The following NUP153 variants were observed in gnomAD, a reference collection of about 807,000 sequenced individuals.
NUP153 encodes nuclear pore complex protein Nup153.
A neutral mutation model predicts 134.6 loss-of-function variants in NUP153; 27 were observed. The observed-to-expected ratio is 0.20, with a 90% confidence interval of 0.15 to 0.28. The LOEUF (loss-of-function observed/expected upper bound fraction) is 0.28, where lower values mean the gene tolerates loss of function less well. Ranked by LOEUF, NUP153 falls within the 10% of genes least tolerant of loss-of-function variation. The pLI is 1.00. For synonymous variants in NUP153, 640 were observed against 623.5 expected (o/e 1.03, Z -0.40); for missense variants, 1,821 against 1,731.3 (o/e 1.05, Z -0.92).
chr6:17,675,991 A>AT lies in NUP153; in HGVS notation c.335-222_335-221insA, dbSNP rs1375825856. Among the ~76,000 whole-genome samples, 1 of 152,190 alleles carries AT rather than the reference A, an allele frequency of 6.6e-6. No homozygotes were observed. The highest frequency in any genetic ancestry group is 1.5e-5 in the Non-Finnish European group (1 of 68,030). Reference sequence around the variant, plus strand: ...GAGCTAATTTTTTTAAACCAGTAAGAGTGATGTGATACGATACAACAGTTG... The same window carrying AT: ...GAGCTAATTTTTTTAAACCAGTAAGATGTGATGTGATACGATACAACAGTTG... On this transcript the variant is annotated intron_variant, in intron 2 of 21. Coordinates refer to ENST00000262077, the MANE Select transcript of NUP153 (RefSeq NM_005124.4). This position sits in a 1 kb window ranked among gnomAD's most constrained non-coding sequence, Gnocchi z 4.4.
At position 17,629,120 on chromosome 6, in the gene NUP153, C is replaced by T. The variant is rs756564301; in HGVS notation, c.3079G>A (p.Gly1027Ser). Residue 1027 changes from glycine (G) to serine (S), a missense_variant, in exon 18 of 22, where the codon GGT becomes AGT. Coordinates refer to ENST00000262077, the MANE Select transcript of NUP153 (RefSeq NM_005124.4). ...GGAGCAGGGGTGGAGTTAATAACAC[C>T]TGTACCAAAGCTAAAACCTGCAGAG... Reference protein sequence around the residue: ...SSSAGFSFGTGVINSTPAPAN... With the variant: ...SSSAGFSFGTSVINSTPAPAN... The T allele has an allele frequency of 1.1e-5, 17 of 1,613,914 alleles. No individual in the cohort carries two copies. The Admixed American group carries it at 2.7e-4, about 25-fold the overall frequency.
At position 17,632,784 on chromosome 6, in the gene NUP153, G is replaced by T; in HGVS notation, c.2525C>A (p.Ser842Tyr). 1 of 1,541,458 alleles carries T rather than the reference G, an allele frequency of 6.5e-7. No individual in the cohort carries two copies. Among genetic ancestry groups the T allele is most frequent in the Non-Finnish European group, 8.8e-7 (1 of 1,136,586 alleles). ...TTTCTTGAACTTTTCCAATCCTAGA[G>T]AGCCTCCAGAAGGCAGAGAGACAGG... is the stretch of plus-strand genomic sequence containing the variant. ...TVPVSLPSGG[S>Y]LGLEKFKKPE... The change falls in exon 17 of 22, where the codon TCT becomes TAT. Residue 842 changes from serine (S) to tyrosine (Y), a missense_variant. Physicochemically the swap from Ser to Tyr is moderately radical, Grantham distance 144. Transcript: ENST00000262077.
chr6:17,639,375 G>A (rs1765726089), intron 15 of NUP153, among the ~76,000 whole-genome samples: 1 of 151,972 alleles, frequency 6.6e-6, no homozygotes, highest in South Asian at 2.1e-4. Flanking sequence ...CACCGCGCCT[G>A]GCAAGTTTTA....
chr6:17,633,823 G>T (rs1331135617), intron 16 of NUP153, among the ~76,000 whole-genome samples: 1 of 152,100 alleles, frequency 6.6e-6, no homozygotes, highest in Non-Finnish European at 1.5e-5. Context: ...CATTTTATAG[G>T]TATGTTCTCT....
Position 17,624,552 on chromosome 6 carries a change from C to T in NUP153, c.4174+9G>A. The T allele has an allele frequency of 1.2e-6, 2 of 1,613,314 alleles. No individual in the cohort carries two copies. The highest frequency in any genetic ancestry group is 1.7e-6 in the Non-Finnish European group (2 of 1,179,458). On this transcript the variant is annotated intron_variant, in intron 20 of 21. Coordinates refer to ENST00000262077, the MANE Select transcript of NUP153 (RefSeq NM_005124.4). The stretch of plus-strand genomic sequence containing the variant: ...CATACAGATACTAACAGCATCACAG[C>T]ACACTTACTAGAATTAGGAGTTGTT...
At position 17,625,730 on chromosome 6, in the gene NUP153, A is replaced by G; in HGVS notation, c.3901+78T>C. ...CCACCATTTTGTGATAACCTGCTAT[A>G]TGATATTCGCTAAGAACTGACACAC... On this transcript the variant is annotated intron_variant, in intron 19 of 21. Transcript: ENST00000262077. This position sits in a 1 kb window ranked among gnomAD's most constrained non-coding sequence, Gnocchi z 4.7. 1.8e-6 allele frequency: 2 copies of G among 1,104,874 alleles called. No individual in the cohort carries two copies. The highest frequency in any genetic ancestry group is 1.3e-6 in the Non-Finnish European group (1 of 740,904). The allele number at this position is 1,104,874 out of a possible 1,614,324, so 68.4% of individuals were successfully genotyped here.
At chr6:17,644,379 AT>A (rs1287034660) in intron 14 of NUP153, among the ~76,000 whole-genome samples, 1 of 152,190 alleles carries the variant, frequency 6.6e-6, no homozygotes, top group Non-Finnish European at 1.5e-5. Context: ...AGTAAAAATC[AT>A]TCAACATCTC....
Position 17,646,148 on chromosome 6 carries a change from A to G in NUP153, c.1639T>C (p.Phe547Leu). The G allele has an allele frequency of 6.4e-7, 1 of 1,566,218 alleles. No individual in the cohort carries two copies. Among genetic ancestry groups the G allele is most frequent in the Non-Finnish European group, 8.8e-7 (1 of 1,137,104 alleles). Residue 547 changes from phenylalanine (F) to leucine (L), a missense_variant, in exon 14 of 22, where the codon TTT becomes CTT. By Grantham distance (22) the Phe-to-Leu change is conservative. Coordinates refer to ENST00000262077, the MANE Select transcript of NUP153 (RefSeq NM_005124.4). Reference protein sequence around the residue: ...ANVLPPSSIGFTFSVPVAKTA... With the variant: ...ANVLPPSSIGLTFSVPVAKTA... ...TTTGCAACAGGCACACTAAATGTAA[A>G]TCCAATCTGTAAAGAGAAAGAATAT... is the stretch of plus-strand genomic sequence containing the variant.
rs868274789 is a variant in NUP153 at position 17,615,767 on chromosome 6, T to C, written c.*330A>G. The C allele has an allele frequency of 9.0e-6, 2 of 222,626 alleles. No individual in the cohort carries two copies. Among genetic ancestry groups the C allele is most frequent in the African/African-American group, 2.3e-5 (1 of 43,732 alleles). The allele number at this position is 222,626 out of a possible 1,614,324, so 13.8% of individuals were successfully genotyped here. A position where few individuals can be genotyped will look rare whatever the true frequency, so the allele number is the denominator to read the frequency against. On this transcript the variant is annotated 3_prime_UTR_variant, in exon 22 of 22. Coordinates refer to ENST00000262077, the MANE Select transcript of NUP153 (RefSeq NM_005124.4). The surrounding 1 kb of genome is among the most constrained non-coding windows in gnomAD (Gnocchi z 5.7). Reference sequence around the variant, plus strand: ...GAACGCTTATCAGCGCACATAATGGTGTAGACAAAGAGGTTCTATACAAAG... The same window carrying C: ...GAACGCTTATCAGCGCACATAATGGCGTAGACAAAGAGGTTCTATACAAAG...
At chr6:17,701,273 T>C (rs1363438207) in intron 1 of NUP153, among the ~76,000 whole-genome samples, 3 of 150,366 alleles carry the variant, frequency 2.0e-5, no homozygotes, top group South Asian at 2.1e-4. Context: ...CTCACGCTTA[T>C]AATCCCAGCA....
chr6:17,644,652 A>C (rs895772918), intron 14 of NUP153, among the ~76,000 whole-genome samples: 10 of 152,286 alleles, frequency 6.6e-5, no homozygotes, highest in East Asian at 3.9e-4. Context: ...ATTATAAAAA[A>C]ACAAATTCGG....
chr6:17,616,887 C>A (rs1764363619), intron 20 of NUP153, among the ~76,000 whole-genome samples, 192 bp from the exon 21 acceptor site: 3 of 152,066 alleles, frequency 2.0e-5, no homozygotes, highest in African/African-American at 7.2e-5. Context: ...GTAGCTGGGA[C>A]TATATAGGTG....
intron 13 of NUP153, 27 bp from the exon 14 acceptor site, chr6:17,646,181 C>T (rs374767863): frequency 8.0e-7 from 1 of 1,251,412 alleles, no homozygotes. Context: ...TATCCTTATA[C>T]TTCGTTTTCA....
At chr6:17,616,392 G>T in intron 21 of NUP153, 135 bp downstream of exon 21, 1 of 861,034 alleles carries the variant, frequency 1.2e-6, no homozygotes, top group Non-Finnish European at 1.8e-6. Flanking sequence ...ATTATAGTAT[G>T]GTAAATTTAT....
chr6:17,677,817 C>G (rs1256116655), intron 2 of NUP153, among the ~76,000 whole-genome samples: 1 of 151,500 alleles, frequency 6.6e-6, no homozygotes, highest in South Asian at 2.1e-4. Flanking sequence ...GCAGCCTCCA[C>G]CTCCCAATTG....
chr6:17,653,092 A>T (rs1766599143), intron 11 of NUP153, among the ~76,000 whole-genome samples: 1 of 152,098 alleles, frequency 6.6e-6, no homozygotes, highest in Non-Finnish European at 1.5e-5. Flanking sequence ...GTCTCTAATG[A>T]AATATAAAAA....
intron 14 of NUP153, among the ~76,000 whole-genome samples, chr6:17,645,736 T>C (rs534294345): frequency 1.3e-5 from 2 of 152,302 alleles, no homozygotes; most frequent in Admixed American, 6.5e-5. Context: ...AACTATAATG[T>C]AGACAACCTA....
At chr6:17,699,590 A>G (rs538714090) in intron 1 of NUP153, among the ~76,000 whole-genome samples, 22 of 152,158 alleles carry the variant, frequency 1.4e-4, no homozygotes, top group Non-Finnish European at 3.2e-4. Flanking sequence ...TAATCCCAGC[A>G]CTTTGGGAAG....
chr6:17,698,737 CAAA>C (rs57961707), intron 1 of NUP153, among the ~76,000 whole-genome samples: 19 of 80,056 alleles, frequency 2.4e-4, no homozygotes, highest in African/African-American at 5.6e-4. Flanking sequence ...GACTCTGTCT[CAAA>C]AAAAAAAAAA....
Sources: allele counts gnomAD v4.1 joint callset (sites outside exome capture counted in the v4.1 genomes callset), GRCh38; gene constraint gnomAD v4.1.1; non-coding constraint Gnocchi (gnomAD v3.1); transcripts MANE v1.5; gene names NCBI Gene and HGNC (gene_info 2026-07-23, HGNC 2026-07-21).